NDRG3: variants seen among roughly 807,000 people sequenced by gnomAD.
The protein encoded by NDRG3 is NDRG family member 3.
In NDRG3, 23 loss-of-function variants were observed where a neutral mutation model predicts 57.2. The ratio of observed to expected loss-of-function variants is 0.40; its 90% CI spans 0.29 to 0.57. The LOEUF (loss-of-function observed/expected upper bound fraction) is 0.57. NDRG3 is among the 20% of genes least tolerant of loss of function. The pLI, the probability that NDRG3 is intolerant of heterozygous loss-of-function variation, is 0.42. For missense variants in NDRG3, 384 were observed against 457.3 expected, an observed-to-expected ratio of 0.84 and a Z score of 1.46; for synonymous variants, 132 against 162.6, an observed-to-expected ratio of 0.81 and a Z score of 1.43.
At chr20:36,681,526 C>T (rs1219143560) in intron 7 of NDRG3, among the ~76,000 whole-genome samples, 1 of 149,858 alleles carries the variant, frequency 6.7e-6, no homozygotes, top group Non-Finnish European at 1.5e-5. Flanking sequence ...ATCCCAGCTA[C>T]TCAGGAGGCT....
chr20:36,691,404 T>C (rs1186529041), intron 3 of NDRG3, among the ~76,000 whole-genome samples: 1 of 152,202 alleles, frequency 6.6e-6, no homozygotes, highest in Admixed American at 6.5e-5. Flanking sequence ...AATCAGGTAC[T>C]GTGAAACTGG....
intron 4 of NDRG3, among the ~76,000 whole-genome samples, 153 bp from the exon 5 acceptor site, chr20:36,687,765 G>T (rs569454748): frequency 2.6e-5 from 4 of 152,158 alleles, no homozygotes; most frequent in Non-Finnish European, 5.9e-5. Flanking sequence ...GATTCAAGCT[G>T]CCCTAAAGGC....
Position 36,665,061 on chromosome 20 carries a change from A to G in NDRG3, c.795T>C (p.Pro265=). 1 of 1,614,188 alleles carries G rather than the reference A, an allele frequency of 6.2e-7. No homozygotes were observed. The highest frequency in any genetic ancestry group is 8.5e-7 in the Non-Finnish European group (1 of 1,180,018). ...STLLVVGDNS[P]AVEAVVECNS... is the part of the protein sequence containing the mutation. ...ACATACTTACCACAGCCTCAACTGC[A>G]GGCGAATTGTCCCCTACCACCAGTA... Residue 265 remains proline, a synonymous_variant, in exon 12 of 16, where the codon CCT becomes CCC. Coordinates refer to ENST00000349004, the MANE Select transcript of NDRG3 (RefSeq NM_032013.4).
chr20:36,690,405 G>C (rs2148125641), intron 3 of NDRG3, among the ~76,000 whole-genome samples: 1 of 148,490 alleles, frequency 6.7e-6, no homozygotes, highest in African/African-American at 2.5e-5. Context: ...GAACCGAATA[G>C]AGCAGACAAA....
intron 3 of NDRG3, among the ~76,000 whole-genome samples, chr20:36,690,174 G>T (rs1982147916): frequency 6.6e-6 from 1 of 152,186 alleles, no homozygotes; most frequent in Non-Finnish European, 1.5e-5. Flanking sequence ...ACTGCCTCTG[G>T]TTTAAGCTAT....
intron 12 of NDRG3, among the ~76,000 whole-genome samples, chr20:36,663,872 G>A (rs1192090489): frequency 3.3e-5 from 5 of 151,922 alleles, no homozygotes; most frequent in Non-Finnish European, 7.4e-5. Context: ...GTGCAGTGGC[G>A]CAATCTTGGC....
chr20:36,717,930 G>T (rs1038530787), intron 2 of NDRG3, among the ~76,000 whole-genome samples: 5 of 152,224 alleles, frequency 3.3e-5, no homozygotes, highest in African/African-American at 9.6e-5. Context: ...GCACAGAGCA[G>T]TGTTCCACAA....
rs771040925 is a variant in NDRG3, at chr20:36,684,432, G to A, written c.364C>T (p.Pro122Ser). The A allele has an allele frequency of 3.7e-6, 6 of 1,614,090 alleles. No homozygotes were observed. The highest frequency in any genetic ancestry group is 5.1e-6 in the Non-Finnish European group (6 of 1,179,954). ...ACCTACCTTAGGTGGGTAAGAACAG[G>A]AGGCAGCATTTCAGCCAGCTCATCC... ...TMDELAEMLPPVLTHLSLKSI... is the reference protein window; with the variant it reads ...TMDELAEMLPSVLTHLSLKSI... The change falls in exon 6 of 16, where the codon CCT (proline) becomes TCT (serine). Residue 122 changes from proline to serine, a missense_variant. By Grantham distance (74) the Pro-to-Ser change is moderately conservative (BLOSUM62 -1). Coordinates refer to ENST00000349004, the MANE Select transcript of NDRG3 (RefSeq NM_032013.4).
rs74173994 is a variant in NDRG3 at position 36,723,659 on chromosome 20, A to AATATGTGTGT, written c.-48-1877_-48-1876insACACACATAT. On this transcript the variant is annotated intron_variant, in intron 1 of 15. Coordinates refer to ENST00000349004, the MANE Select transcript of NDRG3 (RefSeq NM_032013.4). ...GAAAGCCTTCAAAAGATATTAGTCT[A>AATATGTGTGT]GTGTGTGTGTGTGTGTGTGTGTGTG... Among the ~76,000 whole-genome samples the AATATGTGTGT allele has an allele frequency of 1.2e-3, 157 of 132,932 alleles. 3 individuals carry two copies. The highest frequency in any genetic ancestry group is 4.2e-3 in the African/African-American group (149 of 35,314). The allele number at this position is 132,932 out of a possible 152,430, so 87.2% of individuals were successfully genotyped here. A position where few individuals can be genotyped will look rare whatever the true frequency, so the allele number is the denominator to read the frequency against.
At chr20:36,666,421 A>C in intron 9 of NDRG3, 29 bp from the exon 10 acceptor site, 4 of 1,484,390 alleles carry the variant, frequency 2.7e-6, no homozygotes, top group Non-Finnish European at 3.8e-6. Flanking sequence ...GACATGGGTA[A>C]GCTTCTGAGC....
At chr20:36,697,516 G>T (rs1982892409) in intron 3 of NDRG3, among the ~76,000 whole-genome samples, 1 of 152,124 alleles carries the variant, frequency 6.6e-6, no homozygotes, top group South Asian at 2.1e-4. Context: ...AGACCAGCCT[G>T]GCCAGTATGG....
At chr20:36,728,670 G>GA (rs1985092813) in intron 1 of NDRG3, among the ~76,000 whole-genome samples, 1 of 152,150 alleles carries the variant, frequency 6.6e-6, no homozygotes, top group Non-Finnish European at 1.5e-5. Flanking sequence ...TGCAAAATCA[G>GA]AAAAAATCCA....
intron 2 of NDRG3, among the ~76,000 whole-genome samples, chr20:36,707,248 C>T (rs1983599466): frequency 6.6e-6 from 1 of 152,156 alleles, no homozygotes; most frequent in Non-Finnish European, 1.5e-5. Flanking sequence ...GGAAAGGGGC[C>T]TAGTTTTCTA....
At chr20:36,667,918 C>A (rs1979773260) in intron 9 of NDRG3, among the ~76,000 whole-genome samples, 1 of 152,154 alleles carries the variant, frequency 6.6e-6, no homozygotes, top group Non-Finnish European at 1.5e-5. Context: ...CAGTCTCATT[C>A]TAAAGGTATT....
At chr20:36,712,559 CTATATATATATATATATA>C (rs1201319236) in intron 2 of NDRG3, among the ~76,000 whole-genome samples, 3 of 20,748 alleles carry the variant, frequency 1.4e-4, no homozygotes, top group East Asian at 4.4e-3. Context: ...CCATGCCCGG[CTATATATATATATATATA>C]TATATATATA....
At position 36,746,079 on chromosome 20, in the gene NDRG3, A is replaced by AGCAGCGGCGGCGGCG. The variant is rs1432037246; in HGVS notation, c.-84_-83insCGCCGCCGCCGCTGC. ...GGGCACCCGCCGTCAGTGCAGCAGC[A>AGCAGCGGCGGCGGCG]GCGGCGGCGGCGGCGGCGGCGGCGG... On this transcript the variant is annotated 5_prime_UTR_variant, in exon 1 of 16. Coordinates refer to ENST00000349004, the MANE Select transcript of NDRG3 (RefSeq NM_032013.4). 1.6e-5 allele frequency: 4 copies of AGCAGCGGCGGCGGCG among 244,690 alleles called. No homozygotes were observed. The highest frequency in any genetic ancestry group is 5.8e-5 in the Admixed American group (1 of 17,234). 15.2% of individuals were successfully genotyped at this position (244,690 alleles called of 1,614,324 possible).
chr20:36,675,029 G>T (rs1980542303), intron 8 of NDRG3, among the ~76,000 whole-genome samples: 1 of 147,328 alleles, frequency 6.8e-6, no homozygotes, highest in Non-Finnish European at 1.5e-5. Flanking sequence ...CGAGTAGCTG[G>T]AACCACAGAC....
At chr20:36,724,692 C>T (rs1464545298) in intron 1 of NDRG3, among the ~76,000 whole-genome samples, 2 of 152,038 alleles carry the variant, frequency 1.3e-5, no homozygotes, top group South Asian at 2.1e-4. Context: ...CTTTGGGAGG[C>T]GGAGATGGAT....
intron 2 of NDRG3, among the ~76,000 whole-genome samples, chr20:36,708,196 T>C (rs982947985): frequency 2.0e-5 from 3 of 152,194 alleles, no homozygotes; most frequent in Middle Eastern, 3.2e-3. Flanking sequence ...TCCCATTATG[T>C]AGAAACTGAT....
Sources: gnomAD v4.1 joint callset for allele counts (sites outside exome capture counted in the v4.1 genomes callset) on GRCh38, gnomAD v4.1.1 for gene constraint, MANE v1.5 for transcripts, NCBI Gene and HGNC (gene_info 2026-07-23, HGNC 2026-07-21) for gene names.